The following NPC1 variants were observed in gnomAD, a reference collection of about 807,000 sequenced individuals.
NPC1 encodes the protein Niemann-Pick C1 protein.
NPC1 carries 85 observed loss-of-function variants against 140.4 expected under a neutral mutation model. The observed-to-expected ratio is 0.61, with a 90% CI of 0.51 to 0.72. The LOEUF is 0.72. Ranked by LOEUF, NPC1 falls within the 30% of genes least tolerant of loss-of-function variation. NPC1 has a pLI of 0.00. For synonymous variants in NPC1, 656 were observed against 624.8 expected (o/e 1.05, Z -0.74); for missense variants, 1,504 against 1,623.8 (o/e 0.93, Z 1.27).
chr18:23,510,963 C>G (rs149602400), intron 3 of NPC1, among the ~76,000 whole-genome samples: 2 of 152,312 alleles, frequency 1.3e-5, no homozygotes, highest in African/African-American at 4.8e-5. Context: ...GACCTAGCAG[C>G]CCCATTACTG....
chr18:23,536,655 A>G lies in NPC1; in HGVS notation c.3245+18T>C, dbSNP rs2058635099. 4.3e-6 allele frequency: 7 copies of G among 1,609,208 alleles called. No individual in the cohort carries two copies. The East Asian group carries it at 1.6e-4, about 36-fold the overall frequency. ...GCCCTTTGCTGGGTAAACCCCATTG[A>G]AAAAGGGCAGGCTTTACCTGTAAGG... On this transcript the variant is annotated intron_variant, in intron 21 of 24. Transcript: ENST00000269228.
intron 3 of NPC1, chr18:23,516,110 G>C: frequency 6.7e-7 from 1 of 1,492,968 alleles, no homozygotes; most frequent in Non-Finnish European, 9.2e-7. Context: ...TAACGTCACC[G>C]CTCTGACCAC....
At chr18:23,519,514 T>C (rs1232953178), downstream of NPC1, among the ~76,000 whole-genome samples, 1 of 149,396 alleles carries the variant, frequency 6.7e-6, no homozygotes, top group East Asian at 2.1e-4. Flanking sequence ...CAAGATCCTG[T>C]CTCCGAAAAA....
intron 1 of NPC1, among the ~76,000 whole-genome samples, chr18:23,575,875 CCAG>C (rs1482894437): frequency 6.6e-6 from 1 of 151,478 alleles, no homozygotes; most frequent in African/African-American, 2.4e-5. Flanking sequence ...TCGCTTGAGC[CCAG>C]GAGTTTGAGA....
chr18:23,538,448 TC>T, intron 20 of NPC1, 93 bp downstream of exon 20: 1 of 1,476,742 alleles, frequency 6.8e-7, no homozygotes, highest in South Asian at 1.1e-5. Flanking sequence ...GAAGAGACGT[TC>T]CCATGCAACT....
intron 6 of NPC1, among the ~76,000 whole-genome samples, chr18:23,558,609 G>A (rs1020872739): frequency 6.6e-6 from 1 of 152,144 alleles, no homozygotes; most frequent in Non-Finnish European, 1.5e-5. Flanking sequence ...CTTGAAACAG[G>A]GAAGGGCATT....
Position 23,531,472 on chromosome 18 carries a change from T to C in NPC1, c.*730A>G. The C allele has an allele frequency of 2.1e-6, 3 of 1,417,138 alleles. No individual in the cohort carries two copies. Among genetic ancestry groups the C allele is most frequent in the Non-Finnish European group, 2.8e-6 (3 of 1,083,268 alleles). The allele number at this position is 1,417,138 out of a possible 1,614,324, so 87.8% of individuals were successfully genotyped here. ...TCCATTTAGCTTTTGTATTTGTCTC[T>C]CAAAGCAGATAGGGTAACCCCAAAA... On this transcript the variant is annotated 3_prime_UTR_variant, in exon 25 of 25. Coordinates refer to ENST00000269228, the MANE Select transcript of NPC1 (RefSeq NM_000271.5).
At chr18:23,581,817 C>T (rs1294852712) in intron 1 of NPC1, among the ~76,000 whole-genome samples, 1 of 152,122 alleles carries the variant, frequency 6.6e-6, no homozygotes, top group African/African-American at 2.4e-5. Context: ...CTCCATAGCT[C>T]AGCTCAAAAA....
chr18:23,509,831 T>G (rs1397997335), intron 3 of NPC1, among the ~76,000 whole-genome samples: 2 of 151,816 alleles, frequency 1.3e-5, no homozygotes, highest in East Asian at 3.9e-4. Flanking sequence ...AGTGCTGGGA[T>G]TACAGGCGTG....
intron 3 of NPC1, 98 bp downstream of exon 3, chr18:23,571,972 TAATA>T (rs529824542): frequency 2.5e-4 from 148 of 595,546 alleles, no homozygotes; most frequent in Admixed American, 1.2e-3. Flanking sequence ...TATAGACATA[TAATA>T]AATAAAAATA....
intron 1 of NPC1, among the ~76,000 whole-genome samples, chr18:23,575,291 C>T (rs112135213): frequency 6.6e-6 from 1 of 152,194 alleles, no homozygotes; most frequent in African/African-American, 2.4e-5. Flanking sequence ...TCACAAAGAT[C>T]ATTCGTTACT....
At chr18:23,526,614 AT>A, downstream of NPC1, 1 of 1,612,324 alleles carries the variant, frequency 6.2e-7, no homozygotes. Flanking sequence ...ATACTGTTTT[AT>A]TTGCTGCCTC....
chr18:23,573,372 G>A, intron 2 of NPC1, 80 bp downstream of exon 2: 4 of 1,588,028 alleles, frequency 2.5e-6, no homozygotes, highest in Non-Finnish European at 3.5e-6. Context: ...CCTCCACCCT[G>A]CAATAACATT....
chr18:23,515,798 G>A, intron 3 of NPC1: 1 of 1,605,466 alleles, frequency 6.2e-7, no homozygotes, highest in Middle Eastern at 1.7e-4. Context: ...CTCCCAAAGT[G>A]CTGGGATTAG....
rs1167240440 is a variant in NPC1 at position 23,573,342 on chromosome 18, G to A, written c.180+110C>T. On this transcript the variant is annotated intron_variant, in intron 2 of 24. Coordinates refer to ENST00000269228, the MANE Select transcript of NPC1 (RefSeq NM_000271.5). ...TTTGAGAGTCCGGGATAAGACTTAA[G>A]CCTGTTAGTCTCATCTCCACCTCCA... The A allele has an allele frequency of 4.9e-6, 7 of 1,441,776 alleles. No homozygotes were observed. In the African/African-American group the frequency reaches 8.4e-5, roughly 17 times the overall value. The allele number at this position is 1,441,776 out of a possible 1,614,324, so 89.3% of individuals were successfully genotyped here.
intron 1 of NPC1, among the ~76,000 whole-genome samples, chr18:23,582,864 A>G (rs767891281): frequency 3.4e-4 from 51 of 151,940 alleles, no homozygotes; most frequent in Admixed American, 2.0e-4. Context: ...TAATCCCAGC[A>G]CTTTGGGAGG....
intron 19 of NPC1, chr18:23,538,904 C>A: frequency 1.8e-6 from 1 of 545,194 alleles, no homozygotes; most frequent in East Asian, 3.4e-5. Flanking sequence ...TCATTTTCTG[C>A]CCTGAAGTAG....
chr18:23,582,959 A>T (rs1348416619), intron 1 of NPC1, among the ~76,000 whole-genome samples: 2 of 151,842 alleles, frequency 1.3e-5, no homozygotes, highest in Non-Finnish European at 2.9e-5. Flanking sequence ...AAATTTAAAA[A>T]TTAGTTGGGC....
At chr18:23,547,894 G>A (rs1418638949) in intron 11 of NPC1, 112 bp downstream of exon 11, 8 of 789,700 alleles carry the variant, frequency 1.0e-5, no homozygotes, top group East Asian at 4.8e-5. Flanking sequence ...ACAAAACTAC[G>A]TAACTCAGAT....
Sources: gnomAD v4.1 joint callset for allele counts (sites outside exome capture counted in the v4.1 genomes callset) on GRCh38, gnomAD v4.1.1 for gene constraint, MANE v1.5 for transcripts, NCBI Gene and HGNC (gene_info 2026-07-23, HGNC 2026-07-21) for gene names.